The following UTS2 variants were observed in gnomAD, a reference collection of about 807,000 sequenced individuals.
The protein encoded by UTS2 is urotensin-2.
A neutral mutation model predicts 12.6 loss-of-function variants in UTS2; 10 were observed. The ratio of observed to expected loss-of-function variants is 0.80; its 90% CI spans 0.49 to 1.35. The LOEUF (loss-of-function observed/expected upper bound fraction) is 1.35. UTS2 is among the 40% of genes most tolerant of loss of function. The pLI, the probability that UTS2 is intolerant of heterozygous loss-of-function variation, is 0.00. For synonymous variants in UTS2, 52 were observed against 50.0 expected (o/e 1.04, Z -0.17); for missense variants, 142 against 143.2 (o/e 0.99, Z 0.04).
chr1:7,902,929 G>A, the UTS2 span, among the ~76,000 whole-genome samples: 1 of 152,048 alleles, frequency 6.6e-6, no homozygotes, highest in African/African-American at 2.4e-5. Flanking sequence ...CGCGCTGGTG[G>A]TGTCTACTGC....
rs781757222 is a variant in UTS2, at chr1:7,849,593, C to T, written c.258+47G>A. 11 of 1,510,274 alleles carry T rather than the reference C, an allele frequency of 7.3e-6. 1 individual carries two copies. Among genetic ancestry groups the T allele is most frequent in the South Asian group, 4.6e-5 (4 of 86,292 alleles). The allele number at this position is 1,510,274 out of a possible 1,614,324, so 93.6% of individuals were successfully genotyped here. A position where few individuals can be genotyped will look rare whatever the true frequency, so the allele number is the denominator to read the frequency against. On this transcript the variant is annotated intron_variant, in intron 3 of 3. Transcript: ENST00000361696. ...AATTCAGAGTCCTGTAAAACCAGTA[C>T]AGAATGTTCACCTTTTTAAACCTAA...
chr1:7,906,415 AAAAG>A, the UTS2 span, among the ~76,000 whole-genome samples: 1 of 140,544 alleles, frequency 7.1e-6, no homozygotes, highest in African/African-American at 2.6e-5. Context: ...AGAAAGAAAG[AAAAG>A]AAAGAAAGGA....
upstream of UTS2, among the ~76,000 whole-genome samples, chr1:7,857,100 AAAGGAATGAAGGAAGG>A (rs1638328152): frequency 1.6e-5 from 1 of 64,232 alleles, no homozygotes. Flanking sequence ...GGAAGGAAGA[AAAGGAATGAAGGAAGG>A]AAGGAAGGAA....
the UTS2 span, among the ~76,000 whole-genome samples, chr1:7,905,776 CT>C: frequency 2.6e-5 from 4 of 152,246 alleles, no homozygotes; most frequent in Middle Eastern, 6.8e-3. Context: ...TTCTTATTTT[CT>C]GGTGGTTTCA....
At chr1:7,847,979 A>G (rs532189415) in intron 3 of UTS2, 97 bp from the exon 4 acceptor site, 4 of 846,176 alleles carry the variant, frequency 4.7e-6, no homozygotes, top group Admixed American at 2.5e-5. Context: ...GAGTCAAGAC[A>G]CTGGACTTCT....
At chr1:7,901,821 G>C in the UTS2 span, among the ~76,000 whole-genome samples, 4 of 152,102 alleles carry the variant, frequency 2.6e-5, no homozygotes, top group Non-Finnish European at 5.9e-5. Flanking sequence ...TGAGATGCCT[G>C]TGAGGATCCA....
the UTS2 span, among the ~76,000 whole-genome samples, chr1:7,875,379 C>T: frequency 3.3e-5 from 5 of 152,026 alleles, no homozygotes; most frequent in Non-Finnish European, 5.9e-5. Flanking sequence ...CGGCCAATTT[C>T]GGGTATTTCT....
At chr1:7,896,702 C>CTT in the UTS2 span, among the ~76,000 whole-genome samples, 1 of 147,220 alleles carries the variant, frequency 6.8e-6, no homozygotes, top group African/African-American at 2.5e-5. Context: ...GAAAAAGAAG[C>CTT]TTTTTTTTTT....
the UTS2 span, among the ~76,000 whole-genome samples, chr1:7,892,477 T>TG: frequency 2.8e-5 from 4 of 141,170 alleles, no homozygotes; most frequent in Non-Finnish European, 4.6e-5. Context: ...ATGTTTTTTT[T>TG]TTTTTTTTTT....
chr1:7,893,875 C>T, the UTS2 span, among the ~76,000 whole-genome samples: 1 of 152,206 alleles, frequency 6.6e-6, no homozygotes, highest in African/African-American at 2.4e-5. Flanking sequence ...AAAAAACCCA[C>T]ACCATCATTC....
the UTS2 span, among the ~76,000 whole-genome samples, chr1:7,885,682 C>A: frequency 6.6e-6 from 1 of 151,722 alleles, no homozygotes; most frequent in African/African-American, 2.4e-5. Context: ...GAGGGCATGG[C>A]ATGGGCCAGA....
chr1:7,853,579 C>G (rs1578028645), upstream of UTS2: 2 of 1,153,690 alleles, frequency 1.7e-6, no homozygotes, highest in South Asian at 3.1e-5. Flanking sequence ...AAACATTGCT[C>G]CAGGCTCAAG....
upstream of UTS2, among the ~76,000 whole-genome samples, chr1:7,856,732 G>A (rs1242268034): frequency 2.6e-5 from 4 of 152,192 alleles, no homozygotes; most frequent in Non-Finnish European, 4.4e-5. Context: ...GACAGAGGAC[G>A]GAACCTAACG....
the UTS2 span, among the ~76,000 whole-genome samples, chr1:7,872,935 T>C: frequency 6.6e-6 from 1 of 152,180 alleles, no homozygotes; most frequent in Non-Finnish European, 1.5e-5. Flanking sequence ...ACTCCATTGT[T>C]AGGAGCTAAT....
At chr1:7,899,619 C>T in the UTS2 span, among the ~76,000 whole-genome samples, 1 of 152,138 alleles carries the variant, frequency 6.6e-6, no homozygotes, top group African/African-American at 2.4e-5. Flanking sequence ...GTGATCCTCA[C>T]ACCTCAGCCT....
At chr1:7,857,612 G>A (rs1638339628), upstream of UTS2, among the ~76,000 whole-genome samples, 1 of 152,018 alleles carries the variant, frequency 6.6e-6, no homozygotes, top group Non-Finnish European at 1.5e-5. Flanking sequence ...TAGCACTTTG[G>A]GAGGTTGAGG....
At chr1:7,878,498 T>A in the UTS2 span, among the ~76,000 whole-genome samples, 2 of 152,252 alleles carry the variant, frequency 1.3e-5, no homozygotes, top group African/African-American at 2.4e-5. Flanking sequence ...TATTATTTTT[T>A]AACAAATTTT....
At chr1:7,854,342 T>TC (rs1558506780), upstream of UTS2, among the ~76,000 whole-genome samples, 1 of 121,684 alleles carries the variant, frequency 8.2e-6, no homozygotes, top group Non-Finnish European at 1.7e-5. Flanking sequence ...AGACTCTGTC[T>TC]AAAAAAAAAA....
At chr1:7,900,795 T>C in the UTS2 span, among the ~76,000 whole-genome samples, 1 of 151,684 alleles carries the variant, frequency 6.6e-6, no homozygotes, top group Non-Finnish European at 1.5e-5. Context: ...AAAAAAAAAT[T>C]GTTTCATGTT....
Sources: allele counts gnomAD v4.1 joint callset (sites outside exome capture counted in the v4.1 genomes callset), GRCh38; gene constraint gnomAD v4.1.1; transcripts MANE v1.5; gene names NCBI Gene and HGNC (gene_info 2026-07-23, HGNC 2026-07-21).